LRRIQ3: variants seen among roughly 807,000 people sequenced by gnomAD.
LRRIQ3 encodes leucine-rich repeat and IQ domain-containing protein 3.
Under a neutral mutation model 59.3 loss-of-function variants are expected in LRRIQ3, and 75 were observed. The observed-to-expected ratio is 1.26, with a 90% CI of 1.05 to 1.53. The LOEUF (loss-of-function observed/expected upper bound fraction) is 1.53. Among genes scored for constraint, LRRIQ3 ranks in the 40% most tolerant of loss-of-function variants. The probability of loss-of-function intolerance (pLI) is 0.00; values close to 1 mark genes in which losing one functional copy is unlikely to be tolerated. For missense variants in LRRIQ3, 831 were observed against 710.0 expected, an observed-to-expected ratio of 1.17 and a Z score of -1.94; for synonymous variants, 250 against 231.3, an observed-to-expected ratio of 1.08 and a Z score of -0.73.
chr1:74,111,087 C>A (rs1165530270), intron 4 of LRRIQ3, among the ~76,000 whole-genome samples: 1 of 151,854 alleles, frequency 6.6e-6, no homozygotes, highest in Middle Eastern at 3.2e-3. Flanking sequence ...TATACTTAGT[C>A]ACGAGAGAGT....
intron 5 of LRRIQ3, among the ~76,000 whole-genome samples, chr1:74,087,066 C>T (rs1646334413): frequency 1.3e-5 from 2 of 152,042 alleles, no homozygotes; most frequent in Non-Finnish European, 2.9e-5. Context: ...ATAAATGTAA[C>T]TTGTTTACTC....
rs759977419 is a variant in LRRIQ3 at position 74,155,764 on chromosome 1, T to C, written c.676A>G (p.Ile226Val). The C allele has an allele frequency of 1.2e-5, 19 of 1,580,006 alleles. No individual in the cohort carries two copies. In the Admixed American group the frequency reaches 2.9e-4, roughly 24 times the overall value. Reference protein sequence around the residue: ...NSPVLIVQRWIRGFLVRKNLS... With the variant: ...NSPVLIVQRWVRGFLVRKNLS... ...TTTTTTCTAACTAAGAAACCACGTA[T>C]CCATCTTTGAACAATCAAAACTGGT... Residue 226 changes from isoleucine to valine, a missense_variant, in exon 4 of 8, where the codon ATA (isoleucine) becomes GTA (valine). By Grantham distance (29) the Ile-to-Val change is conservative. Coordinates refer to ENST00000354431, the MANE Select transcript of LRRIQ3 (RefSeq NM_001105659.2).
intron 6 of LRRIQ3, among the ~76,000 whole-genome samples, chr1:74,064,592 TC>T (rs1233007732): frequency 6.6e-6 from 1 of 152,086 alleles, no homozygotes; most frequent in African/African-American, 2.4e-5. Flanking sequence ...CTAAGGCACA[TC>T]TTTTAGCAAT....
At chr1:74,164,510 T>C (rs531071752) in intron 3 of LRRIQ3, among the ~76,000 whole-genome samples, 7 of 151,476 alleles carry the variant, frequency 4.6e-5, no homozygotes, top group African/African-American at 1.7e-4. Context: ...TGTAAATAAA[T>C]AAATACATTT....
intron 6 of LRRIQ3, among the ~76,000 whole-genome samples, chr1:74,059,395 C>A (rs1037720511): frequency 1.3e-5 from 2 of 151,900 alleles, no homozygotes; most frequent in Middle Eastern, 3.2e-3. Flanking sequence ...GATCTATGAT[C>A]CATTTAAAGT....
intron 4 of LRRIQ3, among the ~76,000 whole-genome samples, chr1:74,146,570 A>G (rs1647585203): frequency 6.6e-6 from 1 of 152,222 alleles, no homozygotes; most frequent in South Asian, 2.1e-4. Flanking sequence ...TAACTTTGCT[A>G]TGAAAATTTT....
Position 74,138,530 on chromosome 1 carries a change from A to G in LRRIQ3, c.707+17203T>C, listed in dbSNP as rs111455873. 19 of 982,662 alleles carry G rather than the reference A, an allele frequency of 1.9e-5. No individual in the cohort carries two copies. The African/African-American group carries it at 2.6e-4, about 14-fold the overall frequency. 60.9% of individuals were successfully genotyped at this position (982,662 alleles called of 1,614,324 possible). On this transcript the variant is annotated intron_variant, in intron 4 of 7. Coordinates refer to ENST00000354431, the MANE Select transcript of LRRIQ3 (RefSeq NM_001105659.2). ...TCTGTTGTCTCAATATGAGAAACAA[A>G]AGGAGAAAAACTGCAAGTGGAACTC...
At position 74,076,578 on chromosome 1, in the gene LRRIQ3, T is replaced by C. The variant is rs550954346; in HGVS notation, c.868-1788A>G. The stretch of plus-strand genomic sequence containing the variant: ...AGAATTCATCCTCACATTTCCCCCA[T>C]TACTTCGACCTGTTCACTTGTTCAA... On this transcript the variant is annotated intron_variant, in intron 5 of 7. Transcript: ENST00000354431. 2.6e-5 allele frequency among the ~76,000 whole-genome samples: 4 copies of C among 152,204 alleles called. No individual in the cohort carries two copies. In the East Asian group the frequency reaches 7.8e-4, roughly 30 times the overall value.
chr1:74,054,756 A>C (rs1557595033), intron 6 of LRRIQ3, among the ~76,000 whole-genome samples: 1 of 144,254 alleles, frequency 6.9e-6, no homozygotes, highest in African/African-American at 2.5e-5. Context: ...ATATATATAT[A>C]TCTATATATC....
intron 6 of LRRIQ3, among the ~76,000 whole-genome samples, 179 bp downstream of exon 6, chr1:74,074,482 T>C (rs1055054971): frequency 3.9e-5 from 6 of 152,260 alleles, no homozygotes; most frequent in African/African-American, 1.4e-4. Flanking sequence ...TTACATGTAC[T>C]TTTTTGTGTC....
intron 5 of LRRIQ3, among the ~76,000 whole-genome samples, chr1:74,104,502 A>C (rs558958565): frequency 8.4e-4 from 128 of 152,152 alleles, no homozygotes; most frequent in African/African-American, 3.1e-3. Flanking sequence ...TAAAAATAAA[A>C]TGTGTGCTCA....
intron 4 of LRRIQ3, among the ~76,000 whole-genome samples, chr1:74,142,419 C>T (rs935634637): frequency 6.6e-6 from 1 of 151,866 alleles, no homozygotes; most frequent in African/African-American, 2.4e-5. Flanking sequence ...CCTACTTTCC[C>T]AAAGCAGAGT....
intron 7 of LRRIQ3, among the ~76,000 whole-genome samples, chr1:74,039,902 C>T (rs1012960253): frequency 2.6e-5 from 4 of 152,110 alleles, no homozygotes; most frequent in Non-Finnish European, 4.4e-5. Context: ...AACCAGATAG[C>T]ATCATGATGA....
At chr1:74,034,429 C>T (rs556789939) in intron 7 of LRRIQ3, among the ~76,000 whole-genome samples, 1 of 151,968 alleles carries the variant, frequency 6.6e-6, no homozygotes, top group African/African-American at 2.4e-5. Context: ...ATTCAGTTAA[C>T]ATATATTAGG....
intron 1 of LRRIQ3, among the ~76,000 whole-genome samples, chr1:74,185,009 T>C (rs891941810): frequency 1.1e-4 from 16 of 152,312 alleles, no homozygotes; most frequent in South Asian, 8.3e-4. Context: ...CTGAATAACA[T>C]TCCATCGCAT....
At chr1:74,102,024 G>A (rs910913774) in intron 5 of LRRIQ3, among the ~76,000 whole-genome samples, 46 of 151,018 alleles carry the variant, frequency 3.0e-4, no homozygotes, top group African/African-American at 8.3e-4. Context: ...AAACCTGCAC[G>A]TTGTGCACAT....
chr1:74,132,799 C>T (rs1429501735), intron 4 of LRRIQ3, among the ~76,000 whole-genome samples: 1 of 152,106 alleles, frequency 6.6e-6, no homozygotes, highest in African/African-American at 2.4e-5. Context: ...AGGACATAGA[C>T]ATGGGCAAGG....
Position 74,074,833 on chromosome 1 carries a change from T to A in LRRIQ3, c.868-43A>T, listed in dbSNP as rs1646185435. On this transcript the variant is annotated intron_variant, in intron 5 of 7. Transcript: ENST00000354431. Reference sequence around the variant, plus strand: ...AAGCAATGACAATGATAATATCTCATGTGTTTTAGAGTTCTTCAAGGGTTT... The same window carrying A: ...AAGCAATGACAATGATAATATCTCAAGTGTTTTAGAGTTCTTCAAGGGTTT... The A allele has an allele frequency of 2.9e-6, 3 of 1,035,388 alleles. No individual in the cohort carries two copies. The African/African-American group carries it at 5.0e-5, about 17-fold the overall frequency. The allele number at this position is 1,035,388 out of a possible 1,614,324, so 64.1% of individuals were successfully genotyped here.
At chr1:74,102,163 C>G (rs1035407966) in intron 5 of LRRIQ3, among the ~76,000 whole-genome samples, 2 of 151,476 alleles carry the variant, frequency 1.3e-5, no homozygotes, top group Non-Finnish European at 2.9e-5. Flanking sequence ...TATCGCAGAT[C>G]AAGAGGGAAA....
Sources: allele counts gnomAD v4.1 joint callset (sites outside exome capture counted in the v4.1 genomes callset), GRCh38; gene constraint gnomAD v4.1.1; transcripts MANE v1.5; gene names NCBI Gene and HGNC (gene_info 2026-07-23, HGNC 2026-07-21).